The following MGAT4C variants were observed in gnomAD, a reference collection of about 807,000 sequenced individuals.
The protein encoded by MGAT4C is alpha-1,3-mannosyl-glycoprotein 4-beta-N-acetylglucosaminyltransferase C.
In MGAT4C, 19 loss-of-function variants were observed where a neutral mutation model predicts 40.1. That is an observed-to-expected ratio of 0.47 (90% CI 0.33 to 0.70). MGAT4C has a LOEUF of 0.70. MGAT4C is among the 30% of genes least tolerant of loss of function. MGAT4C has a pLI of 0.02. For synonymous variants in MGAT4C, 181 were observed against 187.1 expected, an observed-to-expected ratio of 0.97 and a Z score of 0.27; for missense variants, 491 against 563.2, an observed-to-expected ratio of 0.87 and a Z score of 1.30.
chr12:86,708,077 G>C (rs1950494085), intron 2 of MGAT4C, among the ~76,000 whole-genome samples: 1 of 152,162 alleles, frequency 6.6e-6, no homozygotes, highest in Non-Finnish European at 1.5e-5. Context: ...ACATCTCAGA[G>C]GTCTTCACAG....
At chr12:86,686,824 T>G (rs1297683531) in intron 2 of MGAT4C, among the ~76,000 whole-genome samples, 2 of 152,232 alleles carry the variant, frequency 1.3e-5, no homozygotes, top group South Asian at 2.1e-4. Context: ...TGCCAGGTTT[T>G]GGCATCATGA....
intron 3 of MGAT4C, among the ~76,000 whole-genome samples, chr12:86,356,329 G>A (rs889746537): frequency 1.3e-5 from 2 of 152,110 alleles, no homozygotes; most frequent in African/African-American, 2.4e-5. Flanking sequence ...TACATTAAAT[G>A]TTAATACACA....
intron 2 of MGAT4C, among the ~76,000 whole-genome samples, chr12:86,680,515 A>G (rs1949962095): frequency 6.6e-6 from 1 of 152,034 alleles, no homozygotes; most frequent in Non-Finnish European, 1.5e-5. Context: ...ACTAATGTGC[A>G]GTTGTTTCGT....
intron 1 of MGAT4C, among the ~76,000 whole-genome samples, chr12:86,177,388 T>C (rs1488585663): frequency 1.3e-5 from 2 of 151,970 alleles, no homozygotes; most frequent in African/African-American, 2.4e-5. Context: ...AAACATTTAA[T>C]AGAATAACAA....
At chr12:86,487,544 G>A (rs555215621) in intron 2 of MGAT4C, among the ~76,000 whole-genome samples, 2 of 152,164 alleles carry the variant, frequency 1.3e-5, no homozygotes, top group African/African-American at 4.8e-5. Flanking sequence ...CTCTTTTAGG[G>A]GTTCTTGATT....
intron 1 of MGAT4C, among the ~76,000 whole-genome samples, chr12:86,062,859 A>G (rs1417154658): frequency 1.3e-5 from 2 of 152,096 alleles, no homozygotes. Flanking sequence ...AGCCTCGAAG[A>G]AATATGGGAC....
At chr12:86,499,049 T>C (rs918250722) in intron 2 of MGAT4C, among the ~76,000 whole-genome samples, 4 of 152,014 alleles carry the variant, frequency 2.6e-5, no homozygotes, top group Admixed American at 2.6e-4. Context: ...TATTTTTTCT[T>C]CCTTATAATT....
At chr12:86,523,132 TA>T (rs1296868531) in intron 2 of MGAT4C, among the ~76,000 whole-genome samples, 2 of 152,000 alleles carry the variant, frequency 1.3e-5, no homozygotes, top group African/African-American at 4.8e-5. Context: ...TATTGTCTTC[TA>T]GTTTTGTGTG....
chr12:86,355,234 A>C (rs1233094301), intron 3 of MGAT4C, among the ~76,000 whole-genome samples: 2 of 152,144 alleles, frequency 1.3e-5, no homozygotes, highest in Non-Finnish European at 2.9e-5. Flanking sequence ...TGCATTTTAC[A>C]ATCCTACCTA....
intron 2 of MGAT4C, among the ~76,000 whole-genome samples, chr12:86,689,842 G>C (rs1291581636): frequency 6.6e-6 from 1 of 152,182 alleles, no homozygotes; most frequent in Admixed American, 6.5e-5. Context: ...CTCAACCACT[G>C]TGCTGGGAGA....
chr12:85,972,795 G>A lies in MGAT4C; in HGVS notation c.*6494C>T, dbSNP rs1216841135. ...TTTTGGAACTATACTTTCACTCATTGATGAAGTAAGTTACAACGTGGAATA... is the reference window on the plus strand; with the variant it reads ...TTTTGGAACTATACTTTCACTCATTAATGAAGTAAGTTACAACGTGGAATA... On this transcript the variant is annotated 3_prime_UTR_variant, in exon 5 of 5. Coordinates refer to ENST00000611864, the MANE Select transcript of MGAT4C (RefSeq NM_001351288.2). The A allele has an allele frequency of 6.6e-6, 1 of 151,060 alleles. No homozygotes were observed. Among genetic ancestry groups the A allele is most frequent in the Non-Finnish European group, 1.5e-5 (1 of 67,220 alleles). The allele number at this position is 151,060 out of a possible 1,614,324, so 9.4% of individuals were successfully genotyped here.
At chr12:85,991,393 C>CTT (rs1885922899) in intron 2 of MGAT4C, among the ~76,000 whole-genome samples, 2 of 152,182 alleles carry the variant, frequency 1.3e-5, no homozygotes, top group Non-Finnish European at 2.9e-5. Flanking sequence ...GTCTGGTCTG[C>CTT]AGGACTGGCA....
intron 3 of MGAT4C, among the ~76,000 whole-genome samples, chr12:86,336,060 C>T (rs1954783671): frequency 6.6e-6 from 1 of 152,138 alleles, no homozygotes; most frequent in Non-Finnish European, 1.5e-5. Context: ...TTTCCAATGC[C>T]TGTACTTTGC....
chr12:86,626,831 C>A (rs1298946376), intron 2 of MGAT4C, among the ~76,000 whole-genome samples: 1 of 152,196 alleles, frequency 6.6e-6, no homozygotes, highest in African/African-American at 2.4e-5. Flanking sequence ...TTCTGCATTT[C>A]CAACTGAGGT....
At chr12:86,079,730 G>A (rs2135539119) in intron 1 of MGAT4C, among the ~76,000 whole-genome samples, 1 of 151,056 alleles carries the variant, frequency 6.6e-6, no homozygotes, top group South Asian at 2.1e-4. Flanking sequence ...ATGGGTAAAT[G>A]GATTATTTGT....
chr12:86,402,126 T>C (rs963772736), intron 3 of MGAT4C, among the ~76,000 whole-genome samples: 2 of 151,954 alleles, frequency 1.3e-5, no homozygotes, highest in Non-Finnish European at 2.9e-5. Flanking sequence ...TAAAACACAA[T>C]GCAAGCAGAA....
intron 2 of MGAT4C, among the ~76,000 whole-genome samples, chr12:86,712,400 A>T (rs1950573019): frequency 6.6e-6 from 1 of 152,156 alleles, no homozygotes; most frequent in Non-Finnish European, 1.5e-5. Flanking sequence ...ACCATAAAAA[A>T]TAAGAAAAAC....
At chr12:86,449,648 G>A (rs938950345) in intron 2 of MGAT4C, among the ~76,000 whole-genome samples, 4 of 152,034 alleles carry the variant, frequency 2.6e-5, no homozygotes, top group African/African-American at 9.7e-5. Context: ...GTCTGTTTTT[G>A]AAATTTTTAT....
At chr12:86,353,907 C>T (rs1412051187) in intron 3 of MGAT4C, among the ~76,000 whole-genome samples, 3 of 151,916 alleles carry the variant, frequency 2.0e-5, no homozygotes, top group African/African-American at 7.3e-5. Flanking sequence ...GCTAGAGTAC[C>T]AAATCAAGGC....
Sources: allele counts gnomAD v4.1 joint callset (sites outside exome capture counted in the v4.1 genomes callset), GRCh38; gene constraint gnomAD v4.1.1; transcripts MANE v1.5; gene names NCBI Gene and HGNC (gene_info 2026-07-23, HGNC 2026-07-21).